The following ITGA9 variants were observed in gnomAD, a reference collection of about 807,000 sequenced individuals.
ITGA9 encodes the protein integrin alpha-9.
In ITGA9, 56 loss-of-function variants were observed where a neutral mutation model predicts 127.8. The ratio of observed to expected loss-of-function variants is 0.44; its 90% CI spans 0.35 to 0.55. ITGA9 has a LOEUF of 0.55. ITGA9 is among the 20% of genes least tolerant of loss of function. The probability of loss-of-function intolerance (pLI) is 0.00; values close to 1 mark genes in which losing one functional copy is unlikely to be tolerated. For missense variants in ITGA9, 1,196 were observed against 1,347.1 expected (o/e 0.89, Z 1.76); for synonymous variants, 508 against 514.5 (o/e 0.99, Z 0.17).
chr3:37,464,082 G>A (rs1698344016), intron 1 of ITGA9, among the ~76,000 whole-genome samples: 2 of 151,820 alleles, frequency 1.3e-5, no homozygotes, highest in Admixed American at 6.6e-5. Context: ...GTTGGATAGA[G>A]AGTTGCTAGG....
intron 5 of ITGA9, among the ~76,000 whole-genome samples, chr3:37,499,775 G>GT (rs1297950966): frequency 8.5e-5 from 13 of 152,154 alleles, no homozygotes; most frequent in Non-Finnish European, 1.8e-4. Flanking sequence ...GCGTGGTGCG[G>GT]TAAAAACAAG....
chr3:37,809,088 C>CTTT (rs1208683122), intron 27 of ITGA9, among the ~76,000 whole-genome samples: 3 of 133,482 alleles, frequency 2.2e-5, no homozygotes, highest in Non-Finnish European at 3.2e-5. Context: ...AAAATCTTTT[C>CTTT]TTTTTTTTTT....
At position 37,799,059 on chromosome 3, in the gene ITGA9, T is replaced by C. The variant is rs1697206548; in HGVS notation, c.2890-4764T>C. Among the ~76,000 whole-genome samples the C allele has an allele frequency of 6.6e-6, 1 of 152,258 alleles. No individual in the cohort carries two copies. The highest frequency in any genetic ancestry group is 2.4e-5 in the African/African-American group (1 of 41,476). On this transcript the variant is annotated intron_variant, in intron 26 of 27. Coordinates refer to ENST00000264741, the MANE Select transcript of ITGA9 (RefSeq NM_002207.3). The surrounding 1 kb of genome is among the most constrained non-coding windows in gnomAD (Gnocchi z 4.0). ...GCTAATTTAGTACCAATATAAATAATTCTGCAGTGAACATCTTTGAGCATA... is the reference window on the plus strand; with the variant it reads ...GCTAATTTAGTACCAATATAAATAACTCTGCAGTGAACATCTTTGAGCATA...
chr3:37,640,014 C>T, intron 16 of ITGA9, among the ~76,000 whole-genome samples: 1 of 152,156 alleles, frequency 6.6e-6, no homozygotes, highest in Non-Finnish European at 1.5e-5. Flanking sequence ...AAAATTATAA[C>T]TCTTCTCAGG....
chr3:37,584,022 A>G (rs1699733198), intron 15 of ITGA9, among the ~76,000 whole-genome samples: 1 of 152,160 alleles, frequency 6.6e-6, no homozygotes, highest in Non-Finnish European at 1.5e-5. Context: ...ACAGAATGAG[A>G]TGGCTTATTT....
At chr3:37,787,895 A>G (rs774986410) in intron 26 of ITGA9, among the ~76,000 whole-genome samples, 82 of 152,248 alleles carry the variant, frequency 5.4e-4, no homozygotes, top group Non-Finnish European at 1.8e-4. Context: ...TTTTAACCAC[A>G]TAACGTGTGC....
At chr3:37,616,467 G>C (rs1293519079) in intron 15 of ITGA9, among the ~76,000 whole-genome samples, 1 of 150,888 alleles carries the variant, frequency 6.6e-6, no homozygotes, top group African/African-American at 2.4e-5. Flanking sequence ...GAGTTCTGTA[G>C]ATGTCTATTA....
intron 18 of ITGA9, among the ~76,000 whole-genome samples, chr3:37,718,727 T>G (rs1701159707): frequency 6.6e-6 from 1 of 152,208 alleles, no homozygotes; most frequent in Non-Finnish European, 1.5e-5. Context: ...TTAACTTGAT[T>G]GTCCATCAGA....
At position 37,818,910 on chromosome 3, in the gene ITGA9, G is replaced by A; in HGVS notation, c.3029G>A (p.Arg1010Lys). ...LLWKMGFFRRRYKEIIEAEKN... is the reference protein window; with the variant it reads ...LLWKMGFFRRKYKEIIEAEKN... The stretch of plus-strand genomic sequence containing the variant: ...TTTCAGATGGGCTTCTTTCGCCGAA[G>A]GTACAAAGAAATTATCGAAGCTGAG... The change falls in exon 28 of 28, where the codon AGG becomes AAG. Residue 1010 changes from arginine to lysine, a missense_variant. Coordinates refer to ENST00000264741, the MANE Select transcript of ITGA9 (RefSeq NM_002207.3). 1 of 1,613,890 alleles carries A rather than the reference G, an allele frequency of 6.2e-7. No individual in the cohort carries two copies. Among genetic ancestry groups the A allele is most frequent in the Non-Finnish European group, 8.5e-7 (1 of 1,179,826 alleles).
chr3:37,714,931 A>G (rs1257774442), intron 18 of ITGA9, among the ~76,000 whole-genome samples: 1 of 152,144 alleles, frequency 6.6e-6, no homozygotes, highest in Non-Finnish European at 1.5e-5. Flanking sequence ...TCTACCATAT[A>G]TAGCTGTTGT....
chr3:37,738,120 C>T (rs1177249092), intron 20 of ITGA9, among the ~76,000 whole-genome samples: 1 of 152,212 alleles, frequency 6.6e-6, no homozygotes, highest in Non-Finnish European at 1.5e-5. Context: ...TACTGGTCCA[C>T]AAGACTTGGT....
At chr3:37,736,076 GGA>G (rs939859751) in intron 19 of ITGA9, among the ~76,000 whole-genome samples, 5 of 152,222 alleles carry the variant, frequency 3.3e-5, no homozygotes, top group African/African-American at 9.6e-5. Flanking sequence ...GTGTGTGCAT[GGA>G]GAGAGAGAGA....
intron 27 of ITGA9, among the ~76,000 whole-genome samples, chr3:37,810,908 C>T (rs2125565526): frequency 6.6e-6 from 1 of 152,366 alleles, no homozygotes; most frequent in African/African-American, 2.4e-5. Context: ...AGCTGAGCTC[C>T]AGGCTCCCTG....
intron 26 of ITGA9, among the ~76,000 whole-genome samples, chr3:37,788,429 G>A (rs114478273): frequency 2.1e-3 from 317 of 152,092 alleles, no homozygotes; most frequent in Admixed American, 5.2e-3. Context: ...AAAATAATTC[G>A]TATTTGCTTG....
At chr3:37,750,038 C>T (rs1382799346) in intron 22 of ITGA9, among the ~76,000 whole-genome samples, 1 of 150,200 alleles carries the variant, frequency 6.7e-6, no homozygotes, top group Non-Finnish European at 1.5e-5. Flanking sequence ...GCATGACCCC[C>T]ACTCCATACC....
intron 26 of ITGA9, among the ~76,000 whole-genome samples, chr3:37,797,081 A>C (rs1372332470): frequency 6.6e-6 from 1 of 152,094 alleles, no homozygotes; most frequent in Non-Finnish European, 1.5e-5. Flanking sequence ...CACCTGCAGA[A>C]CTTTGGGAGG....
Position 37,806,110 on chromosome 3 carries a change from A to G in ITGA9, c.3009+2168A>G, listed in dbSNP as rs983698072. On this transcript the variant is annotated intron_variant, in intron 27 of 27. Transcript: ENST00000264741. The surrounding 1 kb of genome is among the most constrained non-coding windows in gnomAD (Gnocchi z 4.3). ...AAAACAATCTGCCAATTTGTTGTTTATTTAATCCACATCGCCAGATAGATT... is the reference window on the plus strand; with the variant it reads ...AAAACAATCTGCCAATTTGTTGTTTGTTTAATCCACATCGCCAGATAGATT... 18 of 152,214 alleles carry G rather than the reference A, an allele frequency of 1.2e-4. No homozygotes were observed. Among genetic ancestry groups the G allele is most frequent in the African/African-American group, 4.1e-4 (17 of 41,462 alleles). The allele number at this position is 152,214 out of a possible 1,614,324, so 9.4% of individuals were successfully genotyped here. A position where few individuals can be genotyped will look rare whatever the true frequency, so the allele number is the denominator to read the frequency against.
chr3:37,523,453 GC>G (rs1298811346), intron 11 of ITGA9, 67 bp from the exon 12 acceptor site: 11 of 1,168,250 alleles, frequency 9.4e-6, no homozygotes, highest in Admixed American at 1.7e-5. Context: ...CTGGAATAAA[GC>G]AGTCACAGTT....
rs1286137517 is a variant in ITGA9 at position 37,452,542 on chromosome 3, C to T, written c.168C>T (p.Phe56=). ...SFFGYAVLEH[F]HDNTRWVLVG... Reference sequence around the variant, plus strand: ...TCGGCTACGCAGTTCTGGAGCATTTCCACGACAACACGCGCTGGTGAGTGC... The same window carrying T: ...TCGGCTACGCAGTTCTGGAGCATTTTCACGACAACACGCGCTGGTGAGTGC... Residue 56 remains phenylalanine (F), a synonymous_variant, in exon 1 of 28, where the codon TTC becomes TTT. Coordinates refer to ENST00000264741, the MANE Select transcript of ITGA9 (RefSeq NM_002207.3). This position sits in a 1 kb window ranked among gnomAD's most constrained non-coding sequence, Gnocchi z 7.3. 17 of 1,525,458 alleles carry T rather than the reference C, an allele frequency of 1.1e-5. No homozygotes were observed. The highest frequency in any genetic ancestry group is 1.5e-5 in the Non-Finnish European group (17 of 1,136,272). 94.5% of individuals were successfully genotyped at this position (1,525,458 alleles called of 1,614,324 possible).
Sources: gnomAD v4.1 joint callset for allele counts (sites outside exome capture counted in the v4.1 genomes callset) on GRCh38, gnomAD v4.1.1 for gene constraint, Gnocchi (gnomAD v3.1) non-coding constraint, MANE v1.5 for transcripts, NCBI Gene and HGNC (gene_info 2026-07-23, HGNC 2026-07-21) for gene names.